SPATS2: variants seen among roughly 807,000 people sequenced by gnomAD.
SPATS2 encodes spermatogenesis associated serine rich 2.
Under a neutral mutation model 63.7 loss-of-function variants are expected in SPATS2, and 38 were observed. The ratio of observed to expected loss-of-function variants is 0.60; its 90% CI spans 0.46 to 0.78. The LOEUF is 0.78. SPATS2 is among the 30% of genes least tolerant of loss of function. SPATS2 has a pLI of 0.00. For synonymous variants in SPATS2, 207 were observed against 232.9 expected (o/e 0.89, Z 1.01); for missense variants, 588 against 666.2 (o/e 0.88, Z 1.29).
chr12:49,433,238 C>T (rs1327149583), intron 2 of SPATS2, among the ~76,000 whole-genome samples: 3 of 152,218 alleles, frequency 2.0e-5, no homozygotes, highest in Non-Finnish European at 4.4e-5. Context: ...TCTCAGCTCA[C>T]TGCAACCTCC....
At chr12:49,455,503 G>T (rs1359385403) in intron 2 of SPATS2, among the ~76,000 whole-genome samples, 1 of 152,204 alleles carries the variant, frequency 6.6e-6, no homozygotes, top group Non-Finnish European at 1.5e-5. Context: ...AGCTTCCCGG[G>T]CTCAAGCAGT....
At chr12:49,383,564 C>A (rs1376785814) in intron 2 of SPATS2, among the ~76,000 whole-genome samples, 1 of 151,648 alleles carries the variant, frequency 6.6e-6, no homozygotes, top group African/African-American at 2.4e-5. Flanking sequence ...GCCATGCTTG[C>A]TAATATTTAA....
At chr12:49,501,832 C>T (rs577570982) in intron 9 of SPATS2, among the ~76,000 whole-genome samples, 4 of 152,018 alleles carry the variant, frequency 2.6e-5, no homozygotes, top group East Asian at 1.9e-4. Context: ...TTGGCCAGGC[C>T]GGTCTCGAAC....
At chr12:49,498,694 G>C (rs1334676997) in intron 8 of SPATS2, among the ~76,000 whole-genome samples, 2 of 150,432 alleles carry the variant, frequency 1.3e-5, no homozygotes, top group Admixed American at 1.3e-4. Context: ...TGTTTTATTT[G>C]TCTCTAGAAG....
chr12:49,400,017 CAG>C lies in SPATS2; in HGVS notation c.-244+28730_-244+28731del, dbSNP rs558192328. Reference sequence around the variant, plus strand: ...CGCCACTGCACTCCAGCCTGGGCGACAGAGCGAGACTCCGTCTCAAAAAAAAG... The same window carrying C: ...CGCCACTGCACTCCAGCCTGGGCGACAGCGAGACTCCGTCTCAAAAAAAAG... On this transcript the variant is annotated intron_variant, in intron 2 of 13. Coordinates refer to ENST00000552918, the MANE Select transcript of SPATS2 (RefSeq NM_023071.4). 7.9e-4 allele frequency among the ~76,000 whole-genome samples: 120 copies of C among 152,278 alleles called. 4 individuals carry two copies. The Middle Eastern group carries it at 0.031, about 39-fold the overall frequency.
intron 9 of SPATS2, 63 bp downstream of exon 9, chr12:49,500,268 T>G: frequency 6.7e-7 from 1 of 1,501,344 alleles, no homozygotes. Flanking sequence ...ATAAAGATGG[T>G]CAGCCATTCC....
intron 2 of SPATS2, among the ~76,000 whole-genome samples, chr12:49,423,304 G>A (rs980971180): frequency 1.3e-5 from 2 of 151,976 alleles, no homozygotes; most frequent in Non-Finnish European, 2.9e-5. Context: ...GATAATTTTT[G>A]TAGTTTTAGT....
chr12:49,469,334 G>C (rs1226532527), intron 3 of SPATS2, among the ~76,000 whole-genome samples: 2 of 140,842 alleles, frequency 1.4e-5, no homozygotes, highest in South Asian at 2.3e-4. Context: ...AGGTTGCAGT[G>C]AGCCGAAATT....
intron 2 of SPATS2, chr12:49,390,001 G>A (rs532005094): frequency 1.2e-6 from 1 of 852,102 alleles, no homozygotes; most frequent in African/African-American, 1.7e-5. Context: ...GGATTGCAAG[G>A]AACAAGAACT....
intron 2 of SPATS2, among the ~76,000 whole-genome samples, chr12:49,408,146 CTT>C (rs1565707153): frequency 6.6e-6 from 1 of 152,134 alleles, no homozygotes; most frequent in South Asian, 2.1e-4. Context: ...AGCCATAATA[CTT>C]TGTTCAAGCT....
At chr12:49,419,863 T>C (rs1339321019) in intron 2 of SPATS2, among the ~76,000 whole-genome samples, 1 of 148,402 alleles carries the variant, frequency 6.7e-6, no homozygotes, top group African/African-American at 2.6e-5. Context: ...CAAATGTAGA[T>C]TTTTAGTTCA....
At chr12:49,423,423 C>T (rs1464836580) in intron 2 of SPATS2, among the ~76,000 whole-genome samples, 4 of 152,148 alleles carry the variant, frequency 2.6e-5, no homozygotes, top group Non-Finnish European at 4.4e-5. Context: ...TGAGCCACCG[C>T]GCCTGGCCTA....
In SPATS2 at chr12:49,367,606, G is replaced by A; in HGVS notation, c.-307+19G>A. 1 of 397,628 alleles carries A rather than the reference G, an allele frequency of 2.5e-6. No individual in the cohort carries two copies. The highest frequency in any genetic ancestry group is 4.4e-6 in the Non-Finnish European group (1 of 225,814). 24.6% of individuals were successfully genotyped at this position (397,628 alleles called of 1,614,324 possible). A position where few individuals can be genotyped will look rare whatever the true frequency, so the allele number is the denominator to read the frequency against. The stretch of plus-strand genomic sequence containing the variant: ...GGGCTAGGTGAGGCTAAGGGTGCTG[G>A]GTGGCGGGGTTGGCGGGGGCTCAGA... On this transcript the variant is annotated intron_variant, in intron 1 of 13. Transcript: ENST00000552918.
At chr12:49,416,285 TG>T (rs1329286072) in intron 2 of SPATS2, among the ~76,000 whole-genome samples, 1 of 152,044 alleles carries the variant, frequency 6.6e-6, no homozygotes, top group Non-Finnish European at 1.5e-5. Flanking sequence ...TGGAGATAGA[TG>T]GTAGCTGGGC....
intron 3 of SPATS2, 61 bp downstream of exon 3, chr12:49,461,098 C>T (rs1945814591): frequency 6.4e-7 from 1 of 1,555,036 alleles, no homozygotes; most frequent in African/African-American, 1.4e-5. Flanking sequence ...CCATTTATAG[C>T]TGTATATTTA....
chr12:49,523,782 T>C (rs990235100), intron 12 of SPATS2, among the ~76,000 whole-genome samples: 4 of 151,814 alleles, frequency 2.6e-5, no homozygotes, highest in African/African-American at 9.7e-5. Context: ...AAACCCCATC[T>C]CTACTAAAAA....
At chr12:49,489,402 T>TAG in intron 4 of SPATS2, 63 bp from the exon 5 acceptor site, 1 of 1,253,800 alleles carries the variant, frequency 8.0e-7, no homozygotes, top group South Asian at 1.2e-5. Flanking sequence ...ATTCTCTGTA[T>TAG]AGGCCTCAGC....
chr12:49,491,761 A>G (rs993928049), intron 6 of SPATS2, among the ~76,000 whole-genome samples: 2 of 152,210 alleles, frequency 1.3e-5, no homozygotes, highest in Non-Finnish European at 2.9e-5. Context: ...TACAACGCCT[A>G]ACATATTAGT....
At chr12:49,448,330 G>A (rs1220489451) in intron 2 of SPATS2, among the ~76,000 whole-genome samples, 3 of 151,486 alleles carry the variant, frequency 2.0e-5, no homozygotes, top group South Asian at 2.1e-4. Context: ...TAGTAGAAAC[G>A]GGGTTTCACC....
Sources: gnomAD v4.1 joint callset for allele counts (sites outside exome capture counted in the v4.1 genomes callset) on GRCh38, gnomAD v4.1.1 for gene constraint, MANE v1.5 for transcripts, NCBI Gene and HGNC (gene_info 2026-07-23, HGNC 2026-07-21) for gene names.